SLC24A5: variants seen among roughly 807,000 people sequenced by gnomAD.
SLC24A5 encodes the protein sodium/potassium/calcium exchanger 5.
In SLC24A5, 46 loss-of-function variants were observed where a neutral mutation model predicts 51.6. That is an observed-to-expected ratio of 0.89 (90% CI 0.70 to 1.14). The LOEUF is 1.14. Among genes scored for constraint, SLC24A5 ranks in the 50% most tolerant of loss-of-function variants. The pLI, the probability that SLC24A5 is intolerant of heterozygous loss-of-function variation, is 0.00. For synonymous variants in SLC24A5, 230 were observed against 214.9 expected, an observed-to-expected ratio of 1.07 and a Z score of -0.62; for missense variants, 581 against 604.1, an observed-to-expected ratio of 0.96 and a Z score of 0.40.
intron 2 of SLC24A5, among the ~76,000 whole-genome samples, chr15:48,128,358 T>C (rs2469595): frequency 0.077 from 11,656 of 152,248 alleles, 1,209 homozygotes; most frequent in African/African-American, 0.22. Context: ...ACACGTCTTA[T>C]ATGAAAATGA....
chr15:48,134,881 C>T lies in SLC24A5; in HGVS notation c.490-3C>T, dbSNP rs774164778. 4 of 1,598,184 alleles carry T rather than the reference C, an allele frequency of 2.5e-6. No homozygotes were observed. The highest frequency in any genetic ancestry group is 1.3e-5 in the African/African-American group (1 of 74,506). ...ATGGAAATAATAACTTACCATATTA[C>T]AGGTCTCAACACTATCATGTTGGCC... On this transcript the variant is annotated splice_region_variant and splice_polypyrimidine_tract_variant and intron_variant, in intron 4 of 8. Transcript: ENST00000341459.
In SLC24A5 at chr15:48,134,280, TGCAG is replaced by T; in HGVS notation, c.328_331del (p.Gly110GlnfsTer13). 1 of 1,613,662 alleles carries T rather than the reference TGCAG, an allele frequency of 6.2e-7. No homozygotes were observed. Reference sequence around the variant, plus strand: ...CAGCCCTTGGATTGTCTCAGGATGTTGCAGGCACAACTTTCATGGCAGCGGGCAG... The same window carrying T: ...CAGCCCTTGGATTGTCTCAGGATGTTGCACAACTTTCATGGCAGCGGGCAG... On this transcript the variant is annotated frameshift_variant, in exon 3 of 9. Transcript: ENST00000341459. LOFTEE classifies it high-confidence loss of function.
rs936950299 is a variant in SLC24A5, at chr15:48,136,961, A to T, written c.869A>T (p.Glu290Val). The T allele has an allele frequency of 3.7e-6, 6 of 1,605,268 alleles. No homozygotes were observed. The highest frequency in any genetic ancestry group is 5.1e-6 in the Non-Finnish European group (6 of 1,173,828). Residue 290 changes from glutamate to valine, a missense_variant and splice_region_variant, in exon 6 of 9, where the codon GAA becomes GTA. Transcript: ENST00000341459. The stretch of plus-strand genomic sequence containing the variant: ...TTACATGGCCTTAGTCAGGTTTCTG[A>T]AGGTAATCACTAAATCTTGCCCATT... ...ISLHGLSQVS[E>V]DPPSVFNMPE...
intron 2 of SLC24A5, 144 bp from the exon 3 acceptor site, chr15:48,134,114 G>T: frequency 1.4e-6 from 1 of 690,916 alleles, no homozygotes. Flanking sequence ...GCAAAACATT[G>T]GACTCTTTTA....
intron 6 of SLC24A5, 181 bp downstream of exon 6, chr15:48,137,144 C>T: frequency 3.3e-6 from 2 of 606,762 alleles, no homozygotes; most frequent in Non-Finnish European, 2.7e-6. Context: ...TACAAAATAG[C>T]TAAAGTATGA....
chr15:48,136,524 C>A, intron 5 of SLC24A5, 159 bp from the exon 6 acceptor site: 1 of 587,980 alleles, frequency 1.7e-6, no homozygotes, highest in Non-Finnish European at 2.8e-6. Flanking sequence ...ATGCTGTAAT[C>A]AAGTCTGGAC....
intron 6 of SLC24A5, chr15:48,137,847 T>A (rs2038940627): frequency 6.6e-6 from 1 of 152,112 alleles, no homozygotes; most frequent in African/African-American, 2.4e-5. Flanking sequence ...AGCAAAACTT[T>A]TAGGTAAATA....
At position 48,142,390 on chromosome 15, in the gene SLC24A5, G is replaced by A; in HGVS notation, c.*39G>A. On this transcript the variant is annotated 3_prime_UTR_variant, in exon 9 of 9. Coordinates refer to ENST00000341459, the MANE Select transcript of SLC24A5 (RefSeq NM_205850.3). ...GTTATGCAGAAAATATGAATGGCAG[G>A]GAGGGGCAGAGAGAAAAATCCATTT... The A allele has an allele frequency of 2.3e-6, 3 of 1,315,496 alleles. No homozygotes were observed. The highest frequency in any genetic ancestry group is 3.1e-6 in the Non-Finnish European group (3 of 971,848). The allele number at this position is 1,315,496 out of a possible 1,614,324, so 81.5% of individuals were successfully genotyped here. A position where few individuals can be genotyped will look rare whatever the true frequency, so the allele number is the denominator to read the frequency against.
intron 5 of SLC24A5, 173 bp downstream of exon 5, chr15:48,135,157 T>C (rs1338566930): frequency 7.9e-6 from 4 of 509,166 alleles, no homozygotes; most frequent in East Asian, 3.0e-5. Context: ...TTCTTCTCAC[T>C]AGTTTGCAAT....
At chr15:48,141,475 G>A (rs1458533227) in intron 8 of SLC24A5, 3 of 254,568 alleles carry the variant, frequency 1.2e-5, no homozygotes, top group Non-Finnish European at 2.3e-5. Context: ...TACTCAGGAG[G>A]CTGAGGCAGG....
rs867245480 is a variant in SLC24A5 at position 48,134,816 on chromosome 15, G to A, written c.490-68G>A. ...AACTACAAATATATAAACAATTTTA[G>A]TATTATACTAAGGATTGTACTTGAA... is the stretch of plus-strand genomic sequence containing the variant. On this transcript the variant is annotated intron_variant, in intron 4 of 8. Coordinates refer to ENST00000341459, the MANE Select transcript of SLC24A5 (RefSeq NM_205850.3). 105 of 1,181,816 alleles carry A rather than the reference G, an allele frequency of 8.9e-5. 2 individuals carry two copies. The Middle Eastern group carries it at 4.0e-3, about 45-fold the overall frequency. The allele number at this position is 1,181,816 out of a possible 1,614,324, so 73.2% of individuals were successfully genotyped here. A position where few individuals can be genotyped will look rare whatever the true frequency, so the allele number is the denominator to read the frequency against.
At chr15:48,140,544 T>G (rs554958539) in intron 7 of SLC24A5, 2 of 152,174 alleles carry the variant, frequency 1.3e-5, no homozygotes, top group African/African-American at 2.4e-5. Context: ...TATTAATAAA[T>G]TGGGACCATA....
chr15:48,122,135 A>G lies in SLC24A5; in HGVS notation c.301+99A>G, dbSNP rs745801436. 1.6e-4 allele frequency: 201 copies of G among 1,288,366 alleles called. 1 individual carries two copies. Among genetic ancestry groups the G allele is most frequent in the Non-Finnish European group, 2.1e-4 (183 of 891,178 alleles). 79.8% of individuals were successfully genotyped at this position (1,288,366 alleles called of 1,614,324 possible). ...CTCAGCAGCTGTCCTGTACTTCTCA[A>G]CTGGTTGCAGAGCACCAGCTTCTTG... On this transcript the variant is annotated intron_variant, in intron 2 of 8. Transcript: ENST00000341459.
chr15:48,136,853 G>T lies in SLC24A5; in HGVS notation c.761G>T (p.Gly254Val), dbSNP rs1028855122. ...CCACTGATGGGCTGGGAAGATGAAGGTCAACCATTCATTCGTCGGCAATCA... is the reference window on the plus strand; with the variant it reads ...CCACTGATGGGCTGGGAAGATGAAGTTCAACCATTCATTCGTCGGCAATCA... ...QQPLMGWEDEGQPFIRRQSRT... is the reference protein window; with the variant it reads ...QQPLMGWEDEVQPFIRRQSRT... Residue 254 changes from glycine (G) to valine (V), a missense_variant, in exon 6 of 9, where the codon GGT becomes GTT. Transcript: ENST00000341459. 6.2e-7 allele frequency: 1 copy of T among 1,613,606 alleles called. No homozygotes were observed. The highest frequency in any genetic ancestry group is 1.3e-5 in the African/African-American group (1 of 74,892).
intron 6 of SLC24A5, 58 bp from the exon 7 acceptor site, chr15:48,138,911 T>G (rs2038970338): frequency 1.5e-6 from 2 of 1,306,548 alleles, no homozygotes; most frequent in Admixed American, 4.2e-5. Flanking sequence ...TAAATAGGCA[T>G]TTCTAACTTA....
In SLC24A5 at chr15:48,142,087, C is replaced by T; in HGVS notation, c.1239C>T (p.Cys413=). The T allele has an allele frequency of 6.2e-7, 1 of 1,613,744 alleles. No homozygotes were observed. Among genetic ancestry groups the T allele is most frequent in the Non-Finnish European group, 8.5e-7 (1 of 1,179,840 alleles). Residue 413 remains cysteine, a synonymous_variant, in exon 9 of 9, where the codon TGC becomes TGT. Coordinates refer to ENST00000341459, the MANE Select transcript of SLC24A5 (RefSeq NM_205850.3). The part of the protein sequence containing the change: ...IVGSNVFDML[C]LGIPWFIKTA... ...GATCCAATGTGTTTGATATGTTGTG[C>T]CTTGGTATTCCATGGTTTATTAAAA...
chr15:48,138,151 A>G (rs1350708365), intron 6 of SLC24A5: 1 of 152,098 alleles, frequency 6.6e-6, no homozygotes, highest in Non-Finnish European at 1.5e-5. Context: ...ATCTAATATT[A>G]CTTAATGGCA....
chr15:48,125,704 G>C (rs2038724131), intron 2 of SLC24A5, among the ~76,000 whole-genome samples: 1 of 152,148 alleles, frequency 6.6e-6, no homozygotes, highest in African/African-American at 2.4e-5. Flanking sequence ...GCAACCTATA[G>C]GTGATTGTAA....
Position 48,136,959 on chromosome 15 carries a change from T to C in SLC24A5, c.867T>C (p.Ser289=). ...GTTTACATGGCCTTAGTCAGGTTTC[T>C]GAAGGTAATCACTAAATCTTGCCCA... The part of the protein sequence containing the change: ...SISLHGLSQV[S]EDPPSVFNMP... The change falls in exon 6 of 9, where the codon TCT becomes TCC. Residue 289 remains serine, a synonymous_variant. Coordinates refer to ENST00000341459, the MANE Select transcript of SLC24A5 (RefSeq NM_205850.3). 1 of 1,605,908 alleles carries C rather than the reference T, an allele frequency of 6.2e-7. No individual in the cohort carries two copies. The highest frequency in any genetic ancestry group is 8.5e-7 in the Non-Finnish European group (1 of 1,174,110).
Sources: allele counts gnomAD v4.1 joint callset (sites outside exome capture counted in the v4.1 genomes callset), GRCh38; gene constraint gnomAD v4.1.1; transcripts MANE v1.5; gene names NCBI Gene and HGNC (gene_info 2026-07-23, HGNC 2026-07-21).